PTK2B: variants seen among roughly 807,000 people sequenced by gnomAD.
PTK2B encodes the protein protein-tyrosine kinase 2-beta.
Under a neutral mutation model 142.9 loss-of-function variants are expected in PTK2B, and 71 were observed. The observed-to-expected ratio is 0.50, with a 90% confidence interval of 0.41 to 0.61. The LOEUF (loss-of-function observed/expected upper bound fraction) is 0.61. PTK2B is among the 20% of genes least tolerant of loss of function. PTK2B has a pLI of 0.00. For synonymous variants in PTK2B, 519 were observed against 503.4 expected (o/e 1.03, Z -0.42); for missense variants, 1,105 against 1,320.4 (o/e 0.84, Z 2.53).
At chr8:27,385,669 G>A (rs142212842) in intron 1 of PTK2B, among the ~76,000 whole-genome samples, 134 of 152,284 alleles carry the variant, frequency 8.8e-4, no homozygotes, top group African/African-American at 2.8e-3. Context: ...GAGGTGGGCT[G>A]ATCACTTGAG....
At chr8:27,375,633 T>C (rs1806620321) in intron 1 of PTK2B, among the ~76,000 whole-genome samples, 1 of 152,186 alleles carries the variant, frequency 6.6e-6, no homozygotes, top group Non-Finnish European at 1.5e-5. Context: ...CATAAGCTAC[T>C]AGGTAGTGAA....
intron 24 of PTK2B, among the ~76,000 whole-genome samples, chr8:27,446,220 G>A (rs545612203): frequency 2.6e-5 from 4 of 152,230 alleles, no homozygotes; most frequent in Non-Finnish European, 5.9e-5. Flanking sequence ...CAGGGGTAGG[G>A]GGATCTGTGG....
In PTK2B at chr8:27,450,749, G is replaced by GC; in HGVS notation, c.2341_2342insC (p.Glu781AlafsTer20). 6.2e-7 allele frequency: 1 copy of GC among 1,613,070 alleles called. No individual in the cohort carries two copies. ...TCCCTTCTCTCTGCCGTCCTCCCAG[G>GC]AGGAGGACTTCATCCAACCCAGCAG... On this transcript the variant is annotated frameshift_variant and splice_region_variant, in exon 25 of 31. Transcript: ENST00000346049. LOFTEE classifies it high-confidence loss of function.
At chr8:27,332,716 G>A (rs1398141565) in intron 1 of PTK2B, among the ~76,000 whole-genome samples, 1 of 152,012 alleles carries the variant, frequency 6.6e-6, no homozygotes, top group African/African-American at 2.4e-5. Flanking sequence ...TGAGTAGCTG[G>A]GGCCACAGGC....
At chr8:27,408,741 C>T (rs1808877449) in intron 2 of PTK2B, among the ~76,000 whole-genome samples, 1 of 152,210 alleles carries the variant, frequency 6.6e-6, no homozygotes, top group South Asian at 2.1e-4. Context: ...AGTAAAACAA[C>T]TGTCTGTGTC....
intron 14 of PTK2B, 53 bp downstream of exon 14, chr8:27,435,846 A>G (rs1018418154): frequency 2.3e-5 from 36 of 1,570,570 alleles, no homozygotes; most frequent in Middle Eastern, 1.7e-4. Context: ...GTGAAATGAC[A>G]TGGCAAGGAC....
At chr8:27,326,226 A>ATGTGTG (rs4054914) in intron 1 of PTK2B, among the ~76,000 whole-genome samples, 106 of 146,800 alleles carry the variant, frequency 7.2e-4, no homozygotes, top group African/African-American at 2.0e-3. Context: ...GCTCGTGTGT[A>ATGTGTG]TGTGTGTGTG....
At position 27,432,256 on chromosome 8, in the gene PTK2B, A is replaced by G. The variant is rs187929803; in HGVS notation, c.886-4A>G. ...GTCTGAAGCTCCCCCTTCTTTTCCC[A>G]CAGCCCACCTGCCTGGCCGAGTTCA... On this transcript the variant is annotated splice_region_variant and splice_polypyrimidine_tract_variant and intron_variant, in intron 9 of 30. Coordinates refer to ENST00000346049, the MANE Select transcript of PTK2B (RefSeq NM_173176.3). 3.6e-5 allele frequency: 58 copies of G among 1,613,662 alleles called. No homozygotes were observed. In the Middle Eastern group the frequency reaches 4.9e-4, roughly 14 times the overall value.
intron 1 of PTK2B, among the ~76,000 whole-genome samples, chr8:27,343,286 G>A (rs1335915298): frequency 1.3e-5 from 2 of 152,114 alleles, no homozygotes; most frequent in African/African-American, 2.4e-5. Flanking sequence ...TCTCTCAGTT[G>A]ACATACAGCC....
intron 24 of PTK2B, among the ~76,000 whole-genome samples, chr8:27,448,931 T>C (rs1159843686): frequency 6.6e-6 from 1 of 152,240 alleles, no homozygotes; most frequent in Admixed American, 6.5e-5. Flanking sequence ...TGCTGGAATT[T>C]GTTTTCCTAA....
At chr8:27,355,060 A>G (rs1805319808) in intron 1 of PTK2B, among the ~76,000 whole-genome samples, 1 of 152,252 alleles carries the variant, frequency 6.6e-6, no homozygotes, top group African/African-American at 2.4e-5. Flanking sequence ...AAGGAGCATT[A>G]GCTCTAATAC....
In PTK2B at chr8:27,439,318, C is replaced by G; in HGVS notation, c.1754C>G (p.Thr585Ser). The G allele has an allele frequency of 1.2e-6, 2 of 1,613,802 alleles. No homozygotes were observed. Among genetic ancestry groups the G allele is most frequent in the African/African-American group, 1.3e-5 (1 of 75,022 alleles). The change falls in exon 20 of 31, where the codon ACT becomes AGT. Residue 585 changes from threonine (T) to serine (S), a missense_variant. Transcript: ENST00000346049. ...EDEDYYKASV[T>S]RLPIKWMSPE... ...CTTTGCCCACCCAAAGCCTCTGTGA[C>G]TCGTCTCCCCATCAAATGGATGTCC... is the stretch of plus-strand genomic sequence containing the variant.
chr8:27,407,526 G>A (rs191949572), intron 2 of PTK2B, among the ~76,000 whole-genome samples: 62 of 152,180 alleles, frequency 4.1e-4, no homozygotes, highest in African/African-American at 1.4e-3. Flanking sequence ...GCTCACAAAG[G>A]GCCTCAGATC....
chr8:27,451,729 G>C (rs1811832273), intron 27 of PTK2B: 4 of 1,408,788 alleles, frequency 2.8e-6, no homozygotes, highest in African/African-American at 1.5e-5. Context: ...CTCTCTCTCA[G>C]TGGCCACATC....
At chr8:27,432,186 C>T (rs985941178) in intron 9 of PTK2B, 74 bp from the exon 10 acceptor site, 5 of 1,373,618 alleles carry the variant, frequency 3.6e-6, no homozygotes, top group Non-Finnish European at 3.1e-6. Flanking sequence ...ACCCCGGCTC[C>T]CCCATACTGA....
intron 1 of PTK2B, among the ~76,000 whole-genome samples, chr8:27,361,487 G>A (rs1327826795): frequency 6.6e-6 from 1 of 152,162 alleles, no homozygotes; most frequent in African/African-American, 2.4e-5. Context: ...GCCTCCCAAA[G>A]TGCTGGGATT....
At chr8:27,319,424 C>T (rs1332260986) in intron 3 of PTK2B, among the ~76,000 whole-genome samples, 1 of 151,222 alleles carries the variant, frequency 6.6e-6, no homozygotes, top group East Asian at 2.0e-4. Context: ...GGGAGGATCA[C>T]GAGGTCAGGA....
chr8:27,439,735 G>A (rs1331907004), intron 20 of PTK2B, among the ~76,000 whole-genome samples: 4 of 152,172 alleles, frequency 2.6e-5, no homozygotes, highest in African/African-American at 2.4e-5. Flanking sequence ...AAAGGCAGGT[G>A]TAGAGAGACA....
At chr8:27,405,019 T>C (rs1429413400) in intron 2 of PTK2B, among the ~76,000 whole-genome samples, 1 of 145,230 alleles carries the variant, frequency 6.9e-6, no homozygotes, top group East Asian at 2.0e-4. Context: ...CCTCCCTCCC[T>C]TCCTCTCTTT....
Sources: allele counts gnomAD v4.1 joint callset (sites outside exome capture counted in the v4.1 genomes callset), GRCh38; gene constraint gnomAD v4.1.1; transcripts MANE v1.5; gene names NCBI Gene and HGNC (gene_info 2026-07-23, HGNC 2026-07-21).